Variants in C18orf63 observed in about 807,000 individuals in gnomAD.
C18orf63 encodes the protein uncharacterized protein C18orf63.
C18orf63 carries 50 observed loss-of-function variants against 75.3 expected under a neutral mutation model. The ratio of observed to expected loss-of-function variants is 0.66; its 90% CI spans 0.53 to 0.84. The LOEUF is 0.84. C18orf63 is among the 40% of genes least tolerant of loss of function. C18orf63 has a pLI of 0.00. For synonymous variants in C18orf63, 232 were observed against 267.6 expected, an observed-to-expected ratio of 0.87 and a Z score of 1.30; for missense variants, 732 against 800.2, an observed-to-expected ratio of 0.91 and a Z score of 1.03.
rs191895314 is a variant in C18orf63 at position 74,353,853 on chromosome 18, G to C, written c.1586G>C (p.Arg529Pro). 3.6e-5 allele frequency: 55 copies of C among 1,535,870 alleles called. 1 individual carries two copies. In the East Asian group the frequency reaches 1.3e-3, roughly 36 times the overall value. Residue 529 changes from arginine to proline, a missense_variant, in exon 12 of 14, where the codon CGT becomes CCT. Physicochemically the swap from Arg to Pro is moderately radical, Grantham distance 103. Transcript: ENST00000579455. ...AATATGACAAAATTTCCCTCTTCTC[G>C]TGGAAAATCGACTGTGAGTTTAAAC... Reference protein sequence around the residue: ...SENMTKFPSSRGKSTVSLNKN... With the variant: ...SENMTKFPSSPGKSTVSLNKN...
intron 3 of C18orf63, 150 bp downstream of exon 3, chr18:74,320,741 A>G (rs926541001): frequency 9.9e-6 from 5 of 503,752 alleles, no homozygotes; most frequent in Non-Finnish European, 1.7e-5. Flanking sequence ...TTATTAACAA[A>G]CTAATATTGA....
chr18:74,346,862 T>A (rs73970148), intron 11 of C18orf63, among the ~76,000 whole-genome samples: 6,441 of 152,296 alleles, frequency 0.042, 423 homozygotes, highest in African/African-American at 0.14. Flanking sequence ...ATGTGTATTA[T>A]TTCATTTAAT....
rs1213856638 is a variant in C18orf63, at chr18:74,358,458, T to G, written c.*2011T>G. The G allele has an allele frequency of 1.3e-5, 2 of 152,202 alleles. No homozygotes were observed. Among genetic ancestry groups the G allele is most frequent in the East Asian group, 3.8e-4 (2 of 5,206 alleles). The allele number at this position is 152,202 out of a possible 1,614,324, so 9.4% of individuals were successfully genotyped here. On this transcript the variant is annotated 3_prime_UTR_variant, in exon 14 of 14. Coordinates refer to ENST00000579455, the MANE Select transcript of C18orf63 (RefSeq NM_001174123.2). ...GAAGAGGTTCTAGATCAAATTTCTGTGTTCAGAATCACCAGAGAAATCAAT... is the reference window on the plus strand; with the variant it reads ...GAAGAGGTTCTAGATCAAATTTCTGGGTTCAGAATCACCAGAGAAATCAAT...
At chr18:74,346,824 G>A (rs951709036) in intron 11 of C18orf63, among the ~76,000 whole-genome samples, 9 of 152,136 alleles carry the variant, frequency 5.9e-5, no homozygotes, top group African/African-American at 2.2e-4. Flanking sequence ...CAATTCTATT[G>A]AGTGCTTTCT....
chr18:74,329,298 C>T (rs1176758488), intron 6 of C18orf63, among the ~76,000 whole-genome samples: 7 of 142,854 alleles, frequency 4.9e-5, no homozygotes, highest in Non-Finnish European at 9.0e-5. Context: ...CAGTTGAGCA[C>T]AGGAGGTTGA....
intron 6 of C18orf63, among the ~76,000 whole-genome samples, chr18:74,329,909 G>A (rs1425656147): frequency 1.3e-5 from 2 of 152,114 alleles, no homozygotes; most frequent in East Asian, 1.9e-4. Context: ...AATCATGGTA[G>A]CTTTTCACAT....
At chr18:74,325,822 G>A (rs1201376424) in intron 4 of C18orf63, among the ~76,000 whole-genome samples, 8 of 152,226 alleles carry the variant, frequency 5.3e-5, no homozygotes, top group Non-Finnish European at 8.8e-5. Flanking sequence ...CATAGAAAAG[G>A]TGGTAGAGAA....
intron 5 of C18orf63, among the ~76,000 whole-genome samples, chr18:74,328,414 G>A (rs1043625439): frequency 6.6e-6 from 1 of 152,130 alleles, no homozygotes; most frequent in Non-Finnish European, 1.5e-5. Context: ...CCCACAACAT[G>A]TGGGAATTAT....
intron 11 of C18orf63, among the ~76,000 whole-genome samples, chr18:74,347,831 G>A (rs953118951): frequency 6.6e-6 from 1 of 152,096 alleles, no homozygotes; most frequent in African/African-American, 2.4e-5. Flanking sequence ...GATACATAAA[G>A]GAAATTAGTA....
chr18:74,329,145 T>G, intron 6 of C18orf63, 109 bp downstream of exon 6: 36 of 666,876 alleles, frequency 5.4e-5, no homozygotes, highest in Non-Finnish European at 8.6e-5. Flanking sequence ...TCCCAACGGT[T>G]TGGGAGGCCA....
chr18:74,347,970 C>G (rs1049602437), intron 11 of C18orf63, among the ~76,000 whole-genome samples: 1 of 152,106 alleles, frequency 6.6e-6, no homozygotes, highest in Middle Eastern at 3.4e-3. Context: ...TGTACATTCT[C>G]TCTCATTTCA....
At position 74,320,782 on chromosome 18, in the gene C18orf63, G is replaced by C. The variant is rs1281810350; in HGVS notation, c.213+191G>C. Reference sequence around the variant, plus strand: ...CTGATGCTTAAAATCCATTTTTGTGGTTCTAATTTAACATTTATTTTTCTC... The same window carrying C: ...CTGATGCTTAAAATCCATTTTTGTGCTTCTAATTTAACATTTATTTTTCTC... On this transcript the variant is annotated intron_variant, in intron 3 of 13. Coordinates refer to ENST00000579455, the MANE Select transcript of C18orf63 (RefSeq NM_001174123.2). Among the ~76,000 whole-genome samples the C allele has an allele frequency of 2.6e-5, 4 of 151,990 alleles. No individual in the cohort carries two copies. The East Asian group carries it at 7.7e-4, about 29-fold the overall frequency.
chr18:74,338,374 T>C (rs1416342604), intron 7 of C18orf63, among the ~76,000 whole-genome samples: 6 of 152,140 alleles, frequency 3.9e-5, no homozygotes, highest in Non-Finnish European at 1.5e-5. Flanking sequence ...GCTATTATTT[T>C]AAAATATGAA....
At chr18:74,344,754 G>A (rs1210272486) in intron 11 of C18orf63, among the ~76,000 whole-genome samples, 1 of 152,080 alleles carries the variant, frequency 6.6e-6, no homozygotes, top group Admixed American at 6.6e-5. Flanking sequence ...CTTAGCTATA[G>A]TCGGTTTATT....
chr18:74,356,110 C>T (rs1466783210), intron 13 of C18orf63, among the ~76,000 whole-genome samples: 5 of 152,086 alleles, frequency 3.3e-5, no homozygotes, highest in Admixed American at 6.6e-5. Flanking sequence ...GAAGGAATAA[C>T]GAGAACATTT....
At position 74,357,396 on chromosome 18, in the gene C18orf63, A is replaced by C. The variant is rs1984785660; in HGVS notation, c.*949A>C. The C allele has an allele frequency of 6.6e-6, 1 of 152,184 alleles. No homozygotes were observed. The highest frequency in any genetic ancestry group is 2.1e-4 in the South Asian group (1 of 4,830). The allele number at this position is 152,184 out of a possible 1,614,324, so 9.4% of individuals were successfully genotyped here. Reference sequence around the variant, plus strand: ...GACCTTCTAGTCCATATTACAAATAAATTATCTAACATTTGAAAAAAAGAG... The same window carrying C: ...GACCTTCTAGTCCATATTACAAATACATTATCTAACATTTGAAAAAAAGAG... On this transcript the variant is annotated 3_prime_UTR_variant, in exon 14 of 14. Coordinates refer to ENST00000579455, the MANE Select transcript of C18orf63 (RefSeq NM_001174123.2).
At position 74,353,770 on chromosome 18, in the gene C18orf63, C is replaced by T. The variant is rs1984712122; in HGVS notation, c.1503C>T (p.Asn501=). ...YSSNIQMQAA[N]NLNQENSRPL... is the part of the protein sequence containing the mutation. The stretch of plus-strand genomic sequence containing the variant: ...GTAACATTCAGATGCAGGCTGCTAA[C>T]AATTTAAATCAGGAGAATTCCAGAC... The change falls in exon 12 of 14, where the codon AAC becomes AAT. Residue 501 remains asparagine, a synonymous_variant. Coordinates refer to ENST00000579455, the MANE Select transcript of C18orf63 (RefSeq NM_001174123.2). The T allele has an allele frequency of 6.5e-7, 1 of 1,535,706 alleles. No individual in the cohort carries two copies. The highest frequency in any genetic ancestry group is 2.0e-5 in the Admixed American group (1 of 50,924).
In C18orf63 at chr18:74,325,776, C is replaced by T. The variant is rs191906036; in HGVS notation, c.271-2171C>T. 4.4e-3 allele frequency among the ~76,000 whole-genome samples: 671 copies of T among 152,288 alleles called. 2 individuals carry two copies. In the South Asian group the frequency reaches 0.047, roughly 11 times the overall value. On this transcript the variant is annotated intron_variant, in intron 4 of 13. Coordinates refer to ENST00000579455, the MANE Select transcript of C18orf63 (RefSeq NM_001174123.2). ...ATAACAATCCATTGTTCATGCCCATCCTGAAAGCAGTTTTCCCTGCAATGG... is the reference window on the plus strand; with the variant it reads ...ATAACAATCCATTGTTCATGCCCATTCTGAAAGCAGTTTTCCCTGCAATGG...
At chr18:74,318,602 A>G (rs1439275114) in intron 2 of C18orf63, among the ~76,000 whole-genome samples, 2 of 152,260 alleles carry the variant, frequency 1.3e-5, no homozygotes, top group East Asian at 3.9e-4. Flanking sequence ...CAGCCTGGCC[A>G]ACATGGTGAA....
Sources: allele counts gnomAD v4.1 joint callset (sites outside exome capture counted in the v4.1 genomes callset), GRCh38; gene constraint gnomAD v4.1.1; transcripts MANE v1.5; gene names NCBI Gene and HGNC (gene_info 2026-07-23, HGNC 2026-07-21).